The following NR4A3 variants were observed in gnomAD, a reference collection of about 807,000 sequenced individuals.
NR4A3 encodes the protein chondrosarcoma, extraskeletal myxoid, fused to EWS.
A neutral mutation model predicts 55.6 loss-of-function variants in NR4A3; 13 were observed. The observed-to-expected ratio is 0.23, with a 90% confidence interval of 0.15 to 0.37. NR4A3 has a LOEUF of 0.37. Among genes scored for constraint, NR4A3 ranks in the 10% least tolerant of loss-of-function variants. The pLI is 1.00. For synonymous variants in NR4A3, 342 were observed against 357.9 expected, an observed-to-expected ratio of 0.96 and a Z score of 0.50; for missense variants, 646 against 822.8, an observed-to-expected ratio of 0.79 and a Z score of 2.63.
At chr9:99,835,304 A>G (rs992846620) in intron 5 of NR4A3, among the ~76,000 whole-genome samples, 15 of 152,232 alleles carry the variant, frequency 9.9e-5, no homozygotes, top group African/African-American at 3.6e-4. Context: ...GGGAGAGGCT[A>G]AAGGGCTGAC....
At chr9:99,859,293 T>C (rs1314300199) in intron 7 of NR4A3, among the ~76,000 whole-genome samples, 2 of 152,222 alleles carry the variant, frequency 1.3e-5, no homozygotes, top group African/African-American at 4.8e-5. Flanking sequence ...TAGCCATGTT[T>C]ACCAAGCTAC....
chr9:99,838,355 G>T (rs964545073), intron 5 of NR4A3, among the ~76,000 whole-genome samples: 34 of 152,164 alleles, frequency 2.2e-4, no homozygotes, highest in African/African-American at 7.2e-4. Context: ...CCAGCAAATG[G>T]CATTTAAATG....
chr9:99,826,911 A>C, intron 2 of NR4A3: 1 of 1,116,324 alleles, frequency 9.0e-7, no homozygotes, highest in Non-Finnish European at 1.3e-6. Flanking sequence ...CCTTTGGCTC[A>C]GAAAAACCAA....
Position 99,828,647 on chromosome 9 carries a change from C to T in NR4A3, c.605C>T (p.Ala202Val), listed in dbSNP as rs1258435936. ...HFKPSPPHPP[A>V]PSPAGGHHLG... is the part of the protein sequence containing the mutation. ...AAGCCCTCGCCGCCGCATCCCCCCGCGCCCAGCCCGGCCGGCGGCCACCAC... is the reference window on the plus strand; with the variant it reads ...AAGCCCTCGCCGCCGCATCCCCCCGTGCCCAGCCCGGCCGGCGGCCACCAC... Residue 202 changes from alanine (A) to valine (V), a missense_variant, in exon 3 of 8, where the codon GCG becomes GTG. This residue lies in a region of NR4A3 where 426 missense variants were observed against 429.4 expected (regional missense o/e 0.99). Transcript: ENST00000395097. This position sits in a 1 kb window ranked among gnomAD's most constrained non-coding sequence, Gnocchi z 7.7. 1 of 1,437,322 alleles carries T rather than the reference C, an allele frequency of 7.0e-7. No homozygotes were observed. Among genetic ancestry groups the T allele is most frequent in the South Asian group, 1.4e-5 (1 of 71,318 alleles). 89.0% of individuals were successfully genotyped at this position (1,437,322 alleles called of 1,614,324 possible).
chr9:99,855,219 GTCTT>G (rs1435000638), intron 7 of NR4A3, among the ~76,000 whole-genome samples: 2 of 152,146 alleles, frequency 1.3e-5, no homozygotes, highest in Non-Finnish European at 2.9e-5. Context: ...ATTTCTTTGT[GTCTT>G]TCTTTACCAG....
intron 7 of NR4A3, among the ~76,000 whole-genome samples, chr9:99,857,934 C>T (rs1288149615): frequency 2.0e-5 from 3 of 152,120 alleles, no homozygotes; most frequent in African/African-American, 4.8e-5. Context: ...TAGCAGCTTA[C>T]ACTTTTAGTG....
chr9:99,828,747 C>G lies in NR4A3; in HGVS notation c.705C>G (p.Ala235=). 1.5e-6 allele frequency: 2 copies of G among 1,333,722 alleles called. No homozygotes were observed. Among genetic ancestry groups the G allele is most frequent in the Non-Finnish European group, 1.9e-6 (2 of 1,045,070 alleles). The allele number at this position is 1,333,722 out of a possible 1,614,324, so 82.6% of individuals were successfully genotyped here. The change falls in exon 3 of 8, where the codon GCC becomes GCG. Residue 235 remains alanine (A), a synonymous_variant. Transcript: ENST00000395097. This position sits in a 1 kb window ranked among gnomAD's most constrained non-coding sequence, Gnocchi z 7.7. ...LGAAAAAGSQ[A]AALESHPYGL... ...CCGCAGCCGCCGCGGGCAGCCAGGC[C>G]GCCGCGCTTGAGAGCCACCCGTACG... is the stretch of plus-strand genomic sequence containing the variant.
At chr9:99,863,594 T>G (rs767163040) in intron 7 of NR4A3, 26 bp from the exon 8 acceptor site, 1 of 1,603,266 alleles carries the variant, frequency 6.2e-7, no homozygotes, top group Non-Finnish European at 8.5e-7. Context: ...CTCCTAAACT[T>G]CTTGCCCTTC....
At chr9:99,840,644 C>T (rs1827635112) in intron 5 of NR4A3, among the ~76,000 whole-genome samples, 1 of 152,136 alleles carries the variant, frequency 6.6e-6, no homozygotes, top group Non-Finnish European at 1.5e-5. Context: ...ATTCCTGTTC[C>T]AGAGACTGAA....
At chr9:99,858,932 C>G (rs1827968999) in intron 7 of NR4A3, among the ~76,000 whole-genome samples, 1 of 152,170 alleles carries the variant, frequency 6.6e-6, no homozygotes, top group African/African-American at 2.4e-5. Flanking sequence ...ACCTGACACT[C>G]TCTTTATGGT....
chr9:99,856,209 G>C (rs571383207), intron 7 of NR4A3, among the ~76,000 whole-genome samples: 1 of 151,382 alleles, frequency 6.6e-6, no homozygotes, highest in Non-Finnish European at 1.5e-5. Flanking sequence ...ATGTAAAATC[G>C]GTGGGAACCC....
chr9:99,828,779 C>G lies in NR4A3; in HGVS notation c.737C>G (p.Pro246Arg). 1.4e-6 allele frequency: 2 copies of G among 1,451,922 alleles called. No homozygotes were observed. Among genetic ancestry groups the G allele is most frequent in the Non-Finnish European group, 1.8e-6 (2 of 1,105,096 alleles). 89.9% of individuals were successfully genotyped at this position (1,451,922 alleles called of 1,614,324 possible). Residue 246 changes from proline to arginine, a missense_variant, in exon 3 of 8, where the codon CCG (proline) becomes CGG (arginine). Pro to Arg is a moderately radical substitution (Grantham distance 103). This residue lies in a region of NR4A3 where 426 missense variants were observed against 429.4 expected (regional missense o/e 0.99). Coordinates refer to ENST00000395097, the MANE Select transcript of NR4A3 (RefSeq NM_006981.4). The surrounding 1 kb of genome is among the most constrained non-coding windows in gnomAD (Gnocchi z 7.7). ...AALESHPYGL[P>R]LAKRAAPLAF... ...CTTGAGAGCCACCCGTACGGGCTGC[C>G]GCTGGCCAAGAGGGCGGCCCCGCTG...
intron 7 of NR4A3, among the ~76,000 whole-genome samples, chr9:99,856,402 T>C (rs747513018): frequency 5.9e-5 from 9 of 151,992 alleles, no homozygotes; most frequent in African/African-American, 1.2e-4. Context: ...GAGGCGGAGC[T>C]CAGGTGGTAA....
In NR4A3 at chr9:99,825,822, A is replaced by T. The variant is rs1827286167; in HGVS notation, c.-13A>T. On this transcript the variant is annotated 5_prime_UTR_variant, in exon 2 of 8. Transcript: ENST00000395097. The surrounding 1 kb of genome is among the most constrained non-coding windows in gnomAD (Gnocchi z 5.0). ...CCAGCCCCACCATTCAGCGCGCAAG[A>T]TACCCTCCAGGTAGGTCCGAAGGCA... 5.8e-6 allele frequency: 1 copy of T among 173,246 alleles called. No individual in the cohort carries two copies. Among genetic ancestry groups the T allele is most frequent in the Admixed American group, 6.4e-5 (1 of 15,730 alleles). 10.7% of individuals were successfully genotyped at this position (173,246 alleles called of 1,614,324 possible).
intron 2 of NR4A3, among the ~76,000 whole-genome samples, chr9:99,826,177 C>G (rs1827292410): frequency 6.6e-6 from 1 of 152,128 alleles, no homozygotes; most frequent in Non-Finnish European, 1.5e-5. Flanking sequence ...TATGGAATCA[C>G]TTAGAGCAAT....
In NR4A3 at chr9:99,864,000, CT is replaced by C; in HGVS notation, c.*136del. 9.2e-7 allele frequency: 1 copy of C among 1,082,386 alleles called. No homozygotes were observed. Among genetic ancestry groups the C allele is most frequent in the Non-Finnish European group, 1.3e-6 (1 of 768,248 alleles). 67.0% of individuals were successfully genotyped at this position (1,082,386 alleles called of 1,614,324 possible). Reference sequence around the variant, plus strand: ...AAGCAGCTCCTGTAGAAAGCAAAGACTTTCTTTTTTTTCTGGCTCTTTTCCT... The same window carrying C: ...AAGCAGCTCCTGTAGAAAGCAAAGACTTCTTTTTTTTCTGGCTCTTTTCCT... On this transcript the variant is annotated 3_prime_UTR_variant, in exon 8 of 8. Coordinates refer to ENST00000395097, the MANE Select transcript of NR4A3 (RefSeq NM_006981.4).
At chr9:99,832,955 A>G (rs1827475640) in intron 4 of NR4A3, 137 bp downstream of exon 4, 2 of 755,866 alleles carry the variant, frequency 2.6e-6, no homozygotes, top group African/African-American at 1.8e-5. Flanking sequence ...TATCATATAT[A>G]TCTACATTTT....
rs1056614169 is a variant in NR4A3 at position 99,829,145 on chromosome 9, C to T, written c.951+152C>T. The T allele has an allele frequency of 9.9e-6, 10 of 1,006,628 alleles. No individual in the cohort carries two copies. The South Asian group carries it at 3.6e-4, about 36-fold the overall frequency. 62.4% of individuals were successfully genotyped at this position (1,006,628 alleles called of 1,614,324 possible). ...CAGCCCTTCCTAGCACCTTCACATC[C>T]ATTTTCTCAGGGGCTTTCTACTGAG... On this transcript the variant is annotated intron_variant, in intron 3 of 7. Transcript: ENST00000395097.
intron 5 of NR4A3, among the ~76,000 whole-genome samples, chr9:99,837,086 A>G (rs759711667): frequency 3.9e-5 from 6 of 151,944 alleles, no homozygotes; most frequent in Admixed American, 1.3e-4. Flanking sequence ...TTCCTTATAT[A>G]TTCTGGTTAT....
Sources: allele counts gnomAD v4.1 joint callset (sites outside exome capture counted in the v4.1 genomes callset), GRCh38; gene constraint gnomAD v4.1.1; regional missense constraint gnomAD v4.1.1; non-coding constraint Gnocchi (gnomAD v3.1); transcripts MANE v1.5; gene names NCBI Gene and HGNC (gene_info 2026-07-23, HGNC 2026-07-21).